RPA3: variants seen among roughly 807,000 people sequenced by gnomAD.
RPA3 encodes replication protein A3, also known as replication protein A 14 kDa subunit.
Under a neutral mutation model 13.7 loss-of-function variants are expected in RPA3, and 24 were observed. The ratio of observed to expected loss-of-function variants is 1.75; its 90% CI spans 1.27 to 2.46. The LOEUF (loss-of-function observed/expected upper bound fraction) is 2.46, where lower values mean the gene tolerates loss of function less well. Among genes scored for constraint, RPA3 ranks in the 30% most tolerant of loss-of-function variants. RPA3 has a pLI of 0.00. For synonymous variants in RPA3, 59 were observed against 51.2 expected (o/e 1.15, Z -0.65); for missense variants, 183 against 151.0 (o/e 1.21, Z -1.11).
chr7:7,709,374 C>A (rs1047585126), intron 2 of RPA3, among the ~76,000 whole-genome samples: 2 of 152,202 alleles, frequency 1.3e-5, no homozygotes, highest in Admixed American at 6.5e-5. Flanking sequence ...TGTCCTCACA[C>A]CATCTCTTAA....
intron 4 of RPA3, among the ~76,000 whole-genome samples, chr7:7,646,286 A>G (rs1389962930): frequency 1.6e-5 from 2 of 126,076 alleles, no homozygotes; most frequent in African/African-American, 5.9e-5. Flanking sequence ...TCTCAGTGGG[A>G]TGGTGATACG....
At position 7,639,087 on chromosome 7, in the gene RPA3, T is replaced by C. The variant is rs1227541476; in HGVS notation, c.157A>G (p.Ile53Val). Residue 53 changes from isoleucine (I) to valine (V), a missense_variant, in exon 6 of 8, where the codon ATC becomes GTC. Ile to Val is a conservative substitution (Grantham distance 29). Transcript: ENST00000223129. The part of the protein sequence containing the change: ...LSDGEGKNGT[I>V]ELMEPLDEEI... ...AAACATACGGGTTCCATCAACTCGA[T>C]GGTTCCATTTTTTCCTTCTCCATCT... is the stretch of plus-strand genomic sequence containing the variant. 1 of 1,612,758 alleles carries C rather than the reference T, an allele frequency of 6.2e-7. No individual in the cohort carries two copies.
At chr7:7,644,023 G>A (rs1191912085) in intron 4 of RPA3, among the ~76,000 whole-genome samples, 1 of 152,084 alleles carries the variant, frequency 6.6e-6, no homozygotes, top group Non-Finnish European at 1.5e-5. Flanking sequence ...GTAAAAAAAT[G>A]ATTTCCCCAA....
chr7:7,717,835 T>C (rs1410788090), intron 1 of RPA3, among the ~76,000 whole-genome samples: 1 of 152,230 alleles, frequency 6.6e-6, no homozygotes, highest in Non-Finnish European at 1.5e-5. Context: ...TCACCTTTTA[T>C]GCTTAAGTTT....
chr7:7,647,486 G>A (rs1043870098), intron 4 of RPA3, among the ~76,000 whole-genome samples: 21 of 152,294 alleles, frequency 1.4e-4, no homozygotes, highest in Middle Eastern at 3.4e-3. Context: ...AAATTGCACT[G>A]TTCACATAAT....
At chr7:7,681,169 C>G (rs1199377955) in intron 4 of RPA3, among the ~76,000 whole-genome samples, 1 of 152,016 alleles carries the variant, frequency 6.6e-6, no homozygotes, top group African/African-American at 2.4e-5. Flanking sequence ...CCTTATGTGG[C>G]CTTTATAACC....
At chr7:7,701,004 C>G (rs1293556682) in intron 2 of RPA3, among the ~76,000 whole-genome samples, 1 of 152,166 alleles carries the variant, frequency 6.6e-6, no homozygotes, top group Non-Finnish European at 1.5e-5. Context: ...GAGCTATGAT[C>G]ACGGTACTAC....
intron 2 of RPA3, among the ~76,000 whole-genome samples, chr7:7,693,428 A>C (rs920045366): frequency 1.3e-5 from 2 of 152,146 alleles, no homozygotes; most frequent in Non-Finnish European, 2.9e-5. Flanking sequence ...AGTAATGTAT[A>C]GACTTTCCAA....
chr7:7,707,371 A>G (rs911255931), intron 2 of RPA3, among the ~76,000 whole-genome samples: 1 of 152,166 alleles, frequency 6.6e-6, no homozygotes, highest in African/African-American at 2.4e-5. Context: ...CTTGCCTTGA[A>G]TGACTTTCCC....
intron 4 of RPA3, among the ~76,000 whole-genome samples, chr7:7,643,609 G>T (rs1785025143): frequency 6.6e-6 from 1 of 152,096 alleles, no homozygotes. Flanking sequence ...CTACTCGGGA[G>T]GCTGAGGCAG....
At chr7:7,711,680 C>G (rs1780768679) in intron 2 of RPA3, among the ~76,000 whole-genome samples, 1 of 151,654 alleles carries the variant, frequency 6.6e-6, no homozygotes, top group African/African-American at 2.4e-5. Context: ...ATCTCTTTTC[C>G]CTGCTGTATT....
intron 4 of RPA3, among the ~76,000 whole-genome samples, chr7:7,680,448 A>C (rs1779881224): frequency 6.6e-6 from 1 of 152,056 alleles, no homozygotes; most frequent in Non-Finnish European, 1.5e-5. Context: ...ATAGCTTTTT[A>C]GTATAATTTG....
Position 7,662,163 on chromosome 7 carries a change from C to G in RPA3, c.-757-20988G>C, listed in dbSNP as rs534517479. 2.0e-4 allele frequency among the ~76,000 whole-genome samples: 30 copies of G among 152,282 alleles called. 1 individual carries two copies. Among genetic ancestry groups the G allele is most frequent in the Admixed American group, 1.7e-3 (26 of 15,302 alleles). ...GTAATGGCAGATGCCCTTCCCCCCA[C>G]CAAGCTCGAGTGTCCCAGGTCAGCT... On this transcript the variant is annotated intron_variant, in intron 4 of 7. Transcript: ENST00000223129.
intron 2 of RPA3, among the ~76,000 whole-genome samples, chr7:7,699,156 G>T (rs1780394601): frequency 6.6e-6 from 1 of 151,976 alleles, no homozygotes; most frequent in African/African-American, 2.4e-5. Context: ...GCCTGGCTGG[G>T]TTCCCCCAAC....
At chr7:7,703,086 T>G (rs978213118) in intron 2 of RPA3, among the ~76,000 whole-genome samples, 11 of 152,182 alleles carry the variant, frequency 7.2e-5, no homozygotes, top group Admixed American at 5.9e-4. Context: ...TTTTTAGAAC[T>G]TCCTTGCCAA....
At chr7:7,699,507 G>A (rs1273122206) in intron 2 of RPA3, among the ~76,000 whole-genome samples, 2 of 152,190 alleles carry the variant, frequency 1.3e-5, no homozygotes, top group African/African-American at 2.4e-5. Flanking sequence ...AACTAAACAG[G>A]AGCAGTGGAA....
In RPA3 at chr7:7,673,711, CTT is replaced by C. The variant is rs1303262041; in HGVS notation, c.-758+12117_-758+12118del. 1.8e-3 allele frequency among the ~76,000 whole-genome samples: 159 copies of C among 88,486 alleles called. 4 individuals are homozygous for C. The highest frequency in any genetic ancestry group is 8.9e-3 in the Admixed American group (73 of 8,228). 58.1% of individuals were successfully genotyped at this position (88,486 alleles called of 152,430 possible). A position where few individuals can be genotyped will look rare whatever the true frequency, so the allele number is the denominator to read the frequency against. Reference sequence around the variant, plus strand: ...TGTAAAATCACTTCTTTTTCCCCCCCTTTTTTTTTTTAACTGTGGAAAATCTA... The same window carrying C: ...TGTAAAATCACTTCTTTTTCCCCCCCTTTTTTTTTAACTGTGGAAAATCTA... On this transcript the variant is annotated intron_variant, in intron 4 of 7. Transcript: ENST00000223129.
intron 4 of RPA3, among the ~76,000 whole-genome samples, chr7:7,685,347 G>T (rs1012108887): frequency 3.6e-5 from 5 of 140,324 alleles, no homozygotes; most frequent in African/African-American, 5.3e-5. Flanking sequence ...GTCTTGCTCT[G>T]TCTCCAGGCT....
intron 2 of RPA3, among the ~76,000 whole-genome samples, chr7:7,700,095 A>G (rs549078622): frequency 2.0e-5 from 3 of 152,186 alleles, no homozygotes; most frequent in Admixed American, 1.3e-4. Flanking sequence ...ACAAAGTGTC[A>G]TAGATTGGTG....
Sources: gnomAD v4.1 joint callset for allele counts (sites outside exome capture counted in the v4.1 genomes callset) on GRCh38, gnomAD v4.1.1 for gene constraint, MANE v1.5 for transcripts, NCBI Gene and HGNC (gene_info 2026-07-23, HGNC 2026-07-21) for gene names.